The following SLC52A2 variants were observed in gnomAD, a reference collection of about 807,000 sequenced individuals.
The protein encoded by SLC52A2 is solute carrier family 52 member 2, also known as solute carrier family 52, riboflavin transporter, member 2.
A neutral mutation model predicts 24.8 loss-of-function variants in SLC52A2; 16 were observed. The ratio of observed to expected loss-of-function variants is 0.64; its 90% CI spans 0.44 to 0.98. The LOEUF is 0.98. Ranked by LOEUF, SLC52A2 falls within the 50% of genes least tolerant of loss-of-function variation. The pLI is 0.00. For missense variants in SLC52A2, 612 were observed against 575.9 expected, an observed-to-expected ratio of 1.06 and a Z score of -0.64; for synonymous variants, 335 against 276.3, an observed-to-expected ratio of 1.21 and a Z score of -2.11.
rs782181319 is a variant in SLC52A2, at chr8:144,360,002, C to T, written c.510C>T (p.Leu170=). 35 of 1,612,780 alleles carry T rather than the reference C, an allele frequency of 2.2e-5. No individual in the cohort carries two copies. The highest frequency in any genetic ancestry group is 3.3e-5 in the Admixed American group (2 of 60,008). Residue 170 remains leucine, a synonymous_variant, in exon 3 of 5, where the codon CTC becomes CTT. Coordinates refer to ENST00000643944, the MANE Select transcript of SLC52A2 (RefSeq NM_001363118.2). The part of the protein sequence containing the change: ...VLALVQGVGR[L]ECPPAPINGT... Reference sequence around the variant, plus strand: ...CCCTAGTGCAGGGTGTGGGCCGCCTCGAGTGCCCGCCAGCCCCCATCAACG... The same window carrying T: ...CCCTAGTGCAGGGTGTGGGCCGCCTTGAGTGCCCGCCAGCCCCCATCAACG...
At position 144,359,958 on chromosome 8, in the gene SLC52A2, C is replaced by G. The variant is rs1554853980; in HGVS notation, c.466C>G (p.Leu156Val). 1.9e-6 allele frequency: 3 copies of G among 1,613,160 alleles called. No individual in the cohort carries two copies. The African/African-American group carries it at 4.0e-5, about 22-fold the overall frequency. ...SFFLGQGLSA[L>V]LPCVLALVQG... ...CTTCCTGGGTCAAGGCCTGAGTGCC[C>G]TGCTGCCCTGCGTGCTGGCCCTAGT... is the stretch of plus-strand genomic sequence containing the variant. Residue 156 changes from leucine to valine, a missense_variant, in exon 3 of 5, where the codon CTG becomes GTG. Leu to Val is a conservative substitution (Grantham distance 32). Transcript: ENST00000643944.
At position 144,359,638 on chromosome 8, in the gene SLC52A2, C is replaced by T; in HGVS notation, c.146C>T (p.Ser49Phe). The change falls in exon 3 of 5, where the codon TCT becomes TTT. Residue 49 changes from serine (S) to phenylalanine (F), a missense_variant. Ser to Phe is a radical substitution (Grantham distance 155, BLOSUM62 -2). Coordinates refer to ENST00000643944, the MANE Select transcript of SLC52A2 (RefSeq NM_001363118.2). The stretch of plus-strand genomic sequence containing the variant: ...TTCCCTGCAGGTTGGAGCCTCCCCT[C>T]TTACGTCTCTGTGCTTGTGGCTCTG... ...KELPEGWSLP[S>F]YVSVLVALGN... 6.2e-7 allele frequency: 1 copy of T among 1,613,406 alleles called. No individual in the cohort carries two copies. Among genetic ancestry groups the T allele is most frequent in the Non-Finnish European group, 8.5e-7 (1 of 1,179,534 alleles).
Position 144,359,908 on chromosome 8 carries a change from T to C in SLC52A2, c.416T>C (p.Leu139Pro), listed in dbSNP as rs1554853958. 6.2e-7 allele frequency: 1 copy of C among 1,613,638 alleles called. No individual in the cohort carries two copies. The highest frequency in any genetic ancestry group is 1.3e-5 in the African/African-American group (1 of 74,932). Residue 139 changes from leucine to proline, a missense_variant, in exon 3 of 5, where the codon CTG (leucine) becomes CCG (proline). Transcript: ENST00000643944. ...NVTFLPFLSH[L>P]PPRFLRSFFL... ...ACTTTCCTGCCCTTCTTGAGCCACC[T>C]GCCACCTCGCTTCTTACGGTCATTC...
rs377740960 is a variant in SLC52A2, at chr8:144,359,913, C to G, written c.421C>G (p.Pro141Ala). ...TFLPFLSHLPPRFLRSFFLGQ... is the reference protein window; with the variant it reads ...TFLPFLSHLPARFLRSFFLGQ... Reference sequence around the variant, plus strand: ...CCTGCCCTTCTTGAGCCACCTGCCACCTCGCTTCTTACGGTCATTCTTCCT... The same window carrying G: ...CCTGCCCTTCTTGAGCCACCTGCCAGCTCGCTTCTTACGGTCATTCTTCCT... The change falls in exon 3 of 5, where the codon CCT becomes GCT. Residue 141 changes from proline (P) to alanine (A), a missense_variant. Coordinates refer to ENST00000643944, the MANE Select transcript of SLC52A2 (RefSeq NM_001363118.2). 2 of 1,613,608 alleles carry G rather than the reference C, an allele frequency of 1.2e-6. No homozygotes were observed. The highest frequency in any genetic ancestry group is 1.7e-6 in the Non-Finnish European group (2 of 1,180,038).
rs369031014 is a variant in SLC52A2 at position 144,360,388 on chromosome 8, G to C, written c.896G>C (p.Ser299Thr). ...AATGGCGTGCTGCCTGCCGTGCAGA[G>C]CTTTTCCTGCTTACCCTACGGGCGT... The part of the protein sequence containing the change: ...LTNGVLPAVQ[S>T]FSCLPYGRLA... The change falls in exon 3 of 5, where the codon AGC (serine) becomes ACC (threonine). Residue 299 changes from serine (S) to threonine (T), a missense_variant. By Grantham distance (58) the Ser-to-Thr change is moderately conservative. Coordinates refer to ENST00000643944, the MANE Select transcript of SLC52A2 (RefSeq NM_001363118.2). The C allele has an allele frequency of 2.5e-6, 4 of 1,607,948 alleles. No homozygotes were observed. The African/African-American group carries it at 5.3e-5, about 21-fold the overall frequency.
rs782019841 is a variant in SLC52A2, at chr8:144,360,119, T to C, written c.627T>C (p.Ala209=). 74 of 1,612,876 alleles carry C rather than the reference T, an allele frequency of 4.6e-5. No individual in the cohort carries two copies. Among genetic ancestry groups the C allele is most frequent in the Non-Finnish European group, 5.8e-5 (68 of 1,180,038 alleles). ...CTGCCCTTCTGGTCGCTTCAGCTGC[T>C]GCCTTCCAGGGTCTTCTGCTGCTGT... The part of the protein sequence containing the change: ...ALTALLVASA[A]AFQGLLLLLP... The change falls in exon 3 of 5, where the codon GCT becomes GCC. Residue 209 remains alanine (A), a synonymous_variant. Coordinates refer to ENST00000643944, the MANE Select transcript of SLC52A2 (RefSeq NM_001363118.2).
At position 144,359,187 on chromosome 8, in the gene SLC52A2, G is replaced by C. The variant is rs782506861; in HGVS notation, c.-107G>C. The C allele has an allele frequency of 3.0e-5, 45 of 1,480,298 alleles. No homozygotes were observed. Among genetic ancestry groups the C allele is most frequent in the Non-Finnish European group, 4.1e-5 (45 of 1,109,372 alleles). The allele number at this position is 1,480,298 out of a possible 1,614,324, so 91.7% of individuals were successfully genotyped here. On this transcript the variant is annotated 5_prime_UTR_variant, in exon 2 of 5. Coordinates refer to ENST00000643944, the MANE Select transcript of SLC52A2 (RefSeq NM_001363118.2). ...CTGTTTCTCTGTTTCTTTCAAGCTA[G>C]AAGAAGTCTTCACTTCCCAGGAGAG...
intron 2 of SLC52A2, 50 bp downstream of exon 2, chr8:144,359,473 A>C (rs1818677006): frequency 6.2e-7 from 1 of 1,613,204 alleles, no homozygotes; most frequent in Non-Finnish European, 8.5e-7. Context: ...GGCTGCGGTC[A>C]GTGGGATCTG....
At chr8:144,359,157 CCTAT>C (rs1217268792) in intron 1 of SLC52A2, 23 bp from the exon 2 acceptor site, 13 of 1,363,346 alleles carry the variant, frequency 9.5e-6, no homozygotes, top group Non-Finnish European at 1.1e-5. Context: ...GGCTCTGCAT[CCTAT>C]CTGTTTCTCT....
At position 144,359,716 on chromosome 8, in the gene SLC52A2, A is replaced by G. The variant is rs1170458731; in HGVS notation, c.224A>G (p.Lys75Arg). 5.0e-6 allele frequency: 8 copies of G among 1,613,438 alleles called. No individual in the cohort carries two copies. In the South Asian group the frequency reaches 5.5e-5, roughly 11 times the overall value. ...CTCTGGAGGAGGCTGGCCCCAGGAA[A>G]GGACGAGCAGGTCCCCATCCGGGTG... ...VTLWRRLAPG[K>R]DEQVPIRVVQ... Residue 75 changes from lysine (K) to arginine (R), a missense_variant, in exon 3 of 5, where the codon AAG becomes AGG. Physicochemically the swap from Lys to Arg is conservative, Grantham distance 26. Transcript: ENST00000643944.
intron 2 of SLC52A2, 37 bp downstream of exon 2, chr8:144,359,460 C>T (rs782229310): frequency 8.1e-6 from 13 of 1,613,098 alleles, no homozygotes; most frequent in African/African-American, 1.3e-5. Flanking sequence ...CCCAAGACTC[C>T]TGGGCTGCGG....
rs1341097702 is a variant in SLC52A2 at position 144,359,689 on chromosome 8, C to T, written c.197C>T (p.Thr66Ile). ...GGGAACCTGGGTCTGCTGGTGGTGACCCTCTGGAGGAGGCTGGCCCCAGGA... is the reference window on the plus strand; with the variant it reads ...GGGAACCTGGGTCTGCTGGTGGTGATCCTCTGGAGGAGGCTGGCCCCAGGA... ...ALGNLGLLVV[T>I]LWRRLAPGKD... Residue 66 changes from threonine (T) to isoleucine (I), a missense_variant, in exon 3 of 5, where the codon ACC becomes ATC. Transcript: ENST00000643944. 2 of 1,613,584 alleles carry T rather than the reference C, an allele frequency of 1.2e-6. No individual in the cohort carries two copies. The highest frequency in any genetic ancestry group is 3.3e-5 in the Admixed American group (2 of 59,980).
chr8:144,359,301 C>T lies in SLC52A2; in HGVS notation c.8C>T (p.Ala3Val), dbSNP rs1586551253. The change falls in exon 2 of 5, where the codon GCA becomes GTA. Residue 3 changes from alanine to valine, a missense_variant. Physicochemically the swap from Ala to Val is moderately conservative, Grantham distance 64 (BLOSUM62 0). Coordinates refer to ENST00000643944, the MANE Select transcript of SLC52A2 (RefSeq NM_001363118.2). MA[A>V]PTPARPVLTH... ...GGCCCAGCCTTGGGCTGAATGGCAGCACCCACGCCCGCCCGTCCGGTGCTG... is the reference window on the plus strand; with the variant it reads ...GGCCCAGCCTTGGGCTGAATGGCAGTACCCACGCCCGCCCGTCCGGTGCTG... The T allele has an allele frequency of 6.2e-7, 1 of 1,611,630 alleles. No homozygotes were observed. Among genetic ancestry groups the T allele is most frequent in the Non-Finnish European group, 8.5e-7 (1 of 1,178,812 alleles).
At position 144,359,972 on chromosome 8, in the gene SLC52A2, G is replaced by C. The variant is rs1554853994; in HGVS notation, c.480G>C (p.Val160=). The change falls in exon 3 of 5, where the codon GTG becomes GTC. Residue 160 remains valine, a synonymous_variant. Transcript: ENST00000643944. The part of the protein sequence containing the change: ...GQGLSALLPC[V]LALVQGVGRL... ...GCCTGAGTGCCCTGCTGCCCTGCGT[G>C]CTGGCCCTAGTGCAGGGTGTGGGCC... 6.2e-7 allele frequency: 1 copy of C among 1,613,138 alleles called. No individual in the cohort carries two copies. The highest frequency in any genetic ancestry group is 2.2e-5 in the East Asian group (1 of 44,886).
In SLC52A2 at chr8:144,360,149, G is replaced by T; in HGVS notation, c.657G>T (p.Pro219=). 1 of 1,612,862 alleles carries T rather than the reference G, an allele frequency of 6.2e-7. No homozygotes were observed. The highest frequency in any genetic ancestry group is 8.5e-7 in the Non-Finnish European group (1 of 1,180,010). ...AAFQGLLLLL[P]PPPSVPTGEL... The stretch of plus-strand genomic sequence containing the variant: ...TCCAGGGTCTTCTGCTGCTGTTGCC[G>T]CCACCACCATCTGTACCCACAGGGG... Residue 219 remains proline (P), a synonymous_variant, in exon 3 of 5, where the codon CCG becomes CCT. Coordinates refer to ENST00000643944, the MANE Select transcript of SLC52A2 (RefSeq NM_001363118.2).
Position 144,359,392 on chromosome 8 carries a change from G to A in SLC52A2, c.99G>A (p.Glu33=). 2 of 1,614,090 alleles carry A rather than the reference G, an allele frequency of 1.2e-6. No homozygotes were observed. The highest frequency in any genetic ancestry group is 1.7e-6 in the Non-Finnish European group (2 of 1,179,974). The change falls in exon 2 of 5, where the codon GAG becomes GAA. Residue 33 remains glutamate (E), a synonymous_variant. Transcript: ENST00000643944. ...SWAAVNGIWV[E]LPVVVKELPE... The stretch of plus-strand genomic sequence containing the variant: ...CTGCGGTCAATGGGATCTGGGTGGA[G>A]CTACCTGTGGTGGTCAAAGAGCTTC...
rs782551688 is a variant in SLC52A2, at chr8:144,361,048, C to T, written c.*33C>T. The T allele has an allele frequency of 6.3e-7, 1 of 1,594,058 alleles. No homozygotes were observed. Among genetic ancestry groups the T allele is most frequent in the East Asian group, 2.2e-5 (1 of 44,580 alleles). ...CAGGTGGGGACCCCGCTCCCCAACA[C>T]CTGTCTTTCCCTCAATGCTGCCACC... On this transcript the variant is annotated 3_prime_UTR_variant, in exon 5 of 5. Transcript: ENST00000643944.
intron 4 of SLC52A2, 25 bp downstream of exon 4, chr8:144,360,738 G>T: frequency 1.2e-6 from 2 of 1,603,370 alleles, no homozygotes; most frequent in Non-Finnish European, 1.7e-6. Context: ...ACATGAAGTG[G>T]GGTGGGGGGG....
Position 144,361,003 on chromosome 8 carries a change from C to T in SLC52A2, c.1326C>T (p.Pro442=), listed in dbSNP as rs1373514526. 2.9e-5 allele frequency: 47 copies of T among 1,612,790 alleles called. No homozygotes were observed. The highest frequency in any genetic ancestry group is 3.9e-5 in the Non-Finnish European group (46 of 1,179,636). Residue 442 remains proline (P), a synonymous_variant, in exon 5 of 5, where the codon CCC becomes CCT. Transcript: ENST00000643944. ...ACAGCAGAAAGGACTGTGCAGACCC[C>T]TGTGACTCCTGAGCCTGGGCAGGTG... ...VFHSRKDCAD[P]CDS
Sources: allele counts gnomAD v4.1 joint callset, GRCh38; gene constraint gnomAD v4.1.1; transcripts MANE v1.5; gene names NCBI Gene and HGNC (gene_info 2026-07-23, HGNC 2026-07-21).